The following KDM2B variants were observed in gnomAD, a reference collection of about 807,000 sequenced individuals.
The protein encoded by KDM2B is lysine-specific demethylase 2B.
Under a neutral mutation model 150.0 loss-of-function variants are expected in KDM2B, and 26 were observed. The observed-to-expected ratio is 0.17, with a 90% CI of 0.13 to 0.24. KDM2B has a LOEUF of 0.24. Among genes scored for constraint, KDM2B ranks in the 10% least tolerant of loss-of-function variants. KDM2B has a pLI of 1.00. For synonymous variants in KDM2B, 734 were observed against 729.5 expected (o/e 1.01, Z -0.10); for missense variants, 1,265 against 1,816.9 (o/e 0.70, Z 5.52).
chr12:121,525,102 A>G (rs928348827), intron 8 of KDM2B, among the ~76,000 whole-genome samples: 1 of 152,192 alleles, frequency 6.6e-6, no homozygotes, highest in Non-Finnish European at 1.5e-5. Flanking sequence ...TTTCACCGAC[A>G]TCAGTGAACT....
rs1875411049 is a variant in KDM2B at position 121,442,900 on chromosome 12, C to T, written c.2605-64G>A. On this transcript the variant is annotated intron_variant, in intron 18 of 22. Coordinates refer to ENST00000377071, the MANE Select transcript of KDM2B (RefSeq NM_032590.5). The surrounding 1 kb of genome is among the most constrained non-coding windows in gnomAD (Gnocchi z 7.7). The stretch of plus-strand genomic sequence containing the variant: ...CAGGGCTGCGCCCGCCCAAGGCCTC[C>T]CGCCCCCCTGCCACGGGACTGTGGC... 1 of 1,559,802 alleles carries T rather than the reference C, an allele frequency of 6.4e-7. No homozygotes were observed. The highest frequency in any genetic ancestry group is 8.7e-7 in the Non-Finnish European group (1 of 1,155,270).
At chr12:121,417,944 C>A in the KDM2B span, 1 of 1,597,916 alleles carries the variant, frequency 6.3e-7, no homozygotes, top group Admixed American at 1.8e-5. The surrounding 1 kb of genome is among the most constrained non-coding windows in gnomAD (Gnocchi z 5.0). Context: ...ACCCAGGGCC[C>A]GGCACGCTTA....
At chr12:121,478,669 A>G (rs2139917456) in intron 12 of KDM2B, among the ~76,000 whole-genome samples, 1 of 149,350 alleles carries the variant, frequency 6.7e-6, no homozygotes, top group South Asian at 2.1e-4. Flanking sequence ...GACCCCAATT[A>G]TTTATACTGG....
Position 121,474,897 on chromosome 12 carries a change from A to G in KDM2B, c.1734+19682T>C, listed in dbSNP as rs1881180355. On this transcript the variant is annotated intron_variant, in intron 12 of 22. Transcript: ENST00000377071. ...AGCCTGGGAGTTTGAGGCTGCATTG[A>G]GCCATGATCATGCCACTCACTGCTC... 2.0e-5 allele frequency among the ~76,000 whole-genome samples: 3 copies of G among 152,140 alleles called. No homozygotes were observed. In the South Asian group the frequency reaches 6.2e-4, roughly 31 times the overall value.
chr12:121,509,537 C>T (rs782309007), intron 11 of KDM2B, 30 bp downstream of exon 11: 12 of 1,603,702 alleles, frequency 7.5e-6, no homozygotes, highest in East Asian at 6.7e-5. Context: ...CCTCCTCGGC[C>T]GCCCAGCCCC....
At chr12:121,580,162 A>AATAC (rs1891851191) in intron 1 of KDM2B, 1 of 1,388,278 alleles carries the variant, frequency 7.2e-7, no homozygotes, top group African/African-American at 1.7e-5. Context: ...TAAATAAATA[A>AATAC]AGCAAGCCAG....
intron 12 of KDM2B, 110 bp downstream of exon 12, chr12:121,494,469 C>A: frequency 1.4e-6 from 1 of 703,058 alleles, no homozygotes; most frequent in Admixed American, 2.7e-5. Flanking sequence ...ACTGCGGTGC[C>A]TTCATCTCAG....
At chr12:121,414,711 C>A in the KDM2B span, among the ~76,000 whole-genome samples, 1 of 151,990 alleles carries the variant, frequency 6.6e-6, no homozygotes, top group Admixed American at 6.5e-5. Context: ...CTCGCTCTGT[C>A]GCCCAGCCTG....
At chr12:121,475,594 C>CA (rs1371866594) in intron 12 of KDM2B, among the ~76,000 whole-genome samples, 3 of 151,114 alleles carry the variant, frequency 2.0e-5, no homozygotes, top group African/African-American at 4.9e-5. Context: ...GACTCTGTCT[C>CA]AAAAAACAAA....
intron 11 of KDM2B, among the ~76,000 whole-genome samples, chr12:121,496,844 C>T (rs782705397): frequency 6.7e-6 from 1 of 150,042 alleles, no homozygotes; most frequent in Non-Finnish European, 1.5e-5. Flanking sequence ...GTGAGCCCCC[C>T]AAAGTGCTGG....
chr12:121,573,122 C>A (rs1466894518), intron 4 of KDM2B, among the ~76,000 whole-genome samples: 1 of 142,010 alleles, frequency 7.0e-6, no homozygotes, highest in Non-Finnish European at 1.5e-5. Flanking sequence ...CTGTGCCCGG[C>A]CTAATTTTTT....
At chr12:121,482,341 A>G (rs1469574794) in intron 12 of KDM2B, among the ~76,000 whole-genome samples, 2 of 151,862 alleles carry the variant, frequency 1.3e-5, no homozygotes, top group African/African-American at 4.8e-5. Context: ...GTCTTGCTCT[A>G]TCACCAGGCT....
chr12:121,445,432 G>C lies in KDM2B; in HGVS notation c.1960-14C>G, dbSNP rs782780378. The C allele has an allele frequency of 6.3e-7, 1 of 1,580,602 alleles. No individual in the cohort carries two copies. The highest frequency in any genetic ancestry group is 1.1e-5 in the South Asian group (1 of 87,526). Reference sequence around the variant, plus strand: ...GGGCAGCACTGGCTGAGGAGCCAGGGAGAACAAGACAAGTCATCAGGGGTG... The same window carrying C: ...GGGCAGCACTGGCTGAGGAGCCAGGCAGAACAAGACAAGTCATCAGGGGTG... On this transcript the variant is annotated splice_polypyrimidine_tract_variant and intron_variant, in intron 13 of 22. Coordinates refer to ENST00000377071, the MANE Select transcript of KDM2B (RefSeq NM_032590.5).
Position 121,442,919 on chromosome 12 carries a change from CTG to C in KDM2B, c.2604+71_2604+72del. 2 of 1,586,736 alleles carry C rather than the reference CTG, an allele frequency of 1.3e-6. No individual in the cohort carries two copies. The highest frequency in any genetic ancestry group is 3.7e-5 in the Admixed American group (2 of 54,422). On this transcript the variant is annotated intron_variant, in intron 18 of 22. Transcript: ENST00000377071. The surrounding 1 kb of genome is among the most constrained non-coding windows in gnomAD (Gnocchi z 7.7). ...GGCCTCCCGCCCCCCTGCCACGGGA[CTG>C]TGGCCCAGGGAGCTGCGGTGCAGCT...
chr12:121,531,610 G>A (rs1448729054), intron 8 of KDM2B, among the ~76,000 whole-genome samples: 2 of 152,224 alleles, frequency 1.3e-5, no homozygotes, highest in South Asian at 2.1e-4. Flanking sequence ...AACACCACTC[G>A]GCTATACTCC....
Position 121,452,087 on chromosome 12 carries a change from G to A in KDM2B, c.1959+1033C>T, listed in dbSNP as rs572191587. Among the ~76,000 whole-genome samples the A allele has an allele frequency of 1.6e-4, 24 of 152,190 alleles. No individual in the cohort carries two copies. Among genetic ancestry groups the A allele is most frequent in the African/African-American group, 5.8e-4 (24 of 41,532 alleles). On this transcript the variant is annotated intron_variant, in intron 13 of 22. Transcript: ENST00000377071. This position sits in a 1 kb window ranked among gnomAD's most constrained non-coding sequence, Gnocchi z 4.4. Reference sequence around the variant, plus strand: ...TTACTGCATAATTCCACTTCTATGAGGTCCCGAGAGGAGTCAAGCTCTTAG... The same window carrying A: ...TTACTGCATAATTCCACTTCTATGAAGTCCCGAGAGGAGTCAAGCTCTTAG...
intron 6 of KDM2B, among the ~76,000 whole-genome samples, chr12:121,542,262 G>A (rs1555309867): frequency 6.6e-6 from 1 of 152,176 alleles, no homozygotes; most frequent in African/African-American, 2.4e-5. Context: ...CACCATCTTG[G>A]AAGCGGATCT....
At position 121,504,887 on chromosome 12, in the gene KDM2B, C is replaced by T. The variant is rs949863548; in HGVS notation, c.1647+4680G>A. ...ATCCCAGCACTATGGGAGGCCAAGG[C>T]GGGTGGATCACGAGGTCAGGAGATC... On this transcript the variant is annotated intron_variant, in intron 11 of 22. Coordinates refer to ENST00000377071, the MANE Select transcript of KDM2B (RefSeq NM_032590.5). Among the ~76,000 whole-genome samples, 4 of 152,046 alleles carry T rather than the reference C, an allele frequency of 2.6e-5. No homozygotes were observed. The South Asian group carries it at 6.2e-4, about 24-fold the overall frequency.
chr12:121,549,162 G>A lies in KDM2B; in HGVS notation c.577-179C>T, dbSNP rs536845336. Among the ~76,000 whole-genome samples the A allele has an allele frequency of 1.3e-5, 2 of 152,346 alleles. No individual in the cohort carries two copies. The highest frequency in any genetic ancestry group is 3.9e-4 in the East Asian group (2 of 5,178). Reference sequence around the variant, plus strand: ...AGGACCCACACTTTGTAGAAGGGAAGGAGATGAAACAGTCGCTGGGGGTCG... The same window carrying A: ...AGGACCCACACTTTGTAGAAGGGAAAGAGATGAAACAGTCGCTGGGGGTCG... On this transcript the variant is annotated intron_variant, in intron 5 of 22. Transcript: ENST00000377071. The surrounding 1 kb of genome is among the most constrained non-coding windows in gnomAD (Gnocchi z 4.4).
Sources: allele counts gnomAD v4.1 joint callset (sites outside exome capture counted in the v4.1 genomes callset), GRCh38; gene constraint gnomAD v4.1.1; non-coding constraint Gnocchi (gnomAD v3.1); transcripts MANE v1.5; gene names NCBI Gene and HGNC (gene_info 2026-07-23, HGNC 2026-07-21).